VAV2: variants seen among roughly 807,000 people sequenced by gnomAD.
VAV2 encodes vav guanine nucleotide exchange factor 2, also known as guanine nucleotide exchange factor VAV2.
In VAV2, 67 loss-of-function variants were observed where a neutral mutation model predicts 132.5. That is an observed-to-expected ratio of 0.51 (90% CI 0.42 to 0.62). The LOEUF (loss-of-function observed/expected upper bound fraction) is 0.62. Among genes scored for constraint, VAV2 ranks in the 20% least tolerant of loss-of-function variants. The pLI, the probability that VAV2 is intolerant of heterozygous loss-of-function variation, is 0.00. For synonymous variants in VAV2, 492 were observed against 443.5 expected (o/e 1.11, Z -1.37); for missense variants, 938 against 1,153.6 (o/e 0.81, Z 2.71).
intron 29 of VAV2, among the ~76,000 whole-genome samples, chr9:133,767,823 G>C (rs577816202): frequency 6.6e-6 from 1 of 152,346 alleles, no homozygotes; most frequent in Non-Finnish European, 1.5e-5. Context: ...GGCACAGGGA[G>C]CTCTGGTGCT....
At chr9:133,951,125 A>AG (rs1244447427) in intron 1 of VAV2, among the ~76,000 whole-genome samples, 1 of 152,220 alleles carries the variant, frequency 6.6e-6, no homozygotes, top group African/African-American at 2.4e-5. Flanking sequence ...CTTCCCAAGC[A>AG]GGGGGGTAAA....
chr9:133,949,820 G>A (rs1418184940), intron 1 of VAV2, among the ~76,000 whole-genome samples: 1 of 152,226 alleles, frequency 6.6e-6, no homozygotes, highest in Non-Finnish European at 1.5e-5. Flanking sequence ...AGGTTGCTTT[G>A]TGGCTCAAGG....
rs971746760 is a variant in VAV2, at chr9:133,775,965, G to A, written c.2018+63C>T. The A allele has an allele frequency of 2.2e-5, 34 of 1,541,008 alleles. No homozygotes were observed. In the Admixed American group the frequency reaches 3.8e-4, roughly 17 times the overall value. ...CTCACAGGCACCACCCAGACCCGGC[G>A]GGCATGCCCCCATAACAAAGAGGCC... is the stretch of plus-strand genomic sequence containing the variant. On this transcript the variant is annotated intron_variant, in intron 24 of 29. Transcript: ENST00000371850.
chr9:133,950,703 C>T (rs637521), intron 1 of VAV2, among the ~76,000 whole-genome samples: 42,355 of 152,096 alleles, frequency 0.28, 6,248 homozygotes, highest in East Asian at 0.41. Flanking sequence ...TTAGCCCAGA[C>T]GCACGCCTGC....
chr9:133,768,384 C>A lies in VAV2; in HGVS notation c.2589+58G>T. 1 of 1,582,840 alleles carries A rather than the reference C, an allele frequency of 6.3e-7. No individual in the cohort carries two copies. The highest frequency in any genetic ancestry group is 1.3e-5 in the African/African-American group (1 of 74,664). ...GGTGTGGTGCTAGTCTGCCTGAGCC[C>A]GACCAGGTAGGGGCTGCAGCGAGGC... On this transcript the variant is annotated intron_variant, in intron 29 of 29. Transcript: ENST00000371850. The surrounding 1 kb of genome is among the most constrained non-coding windows in gnomAD (Gnocchi z 5.3).
At position 133,964,167 on chromosome 9, in the gene VAV2, G is replaced by A. The variant is rs559034951; in HGVS notation, c.205-24948C>T. ...GAGCCCAGGAGTTCAAGACCAGTCT[G>A]AGCAACATGGCAAAACCCTGTCTCT... On this transcript the variant is annotated intron_variant, in intron 1 of 29. Coordinates refer to ENST00000371850, the MANE Select transcript of VAV2 (RefSeq NM_001134398.2). Among the ~76,000 whole-genome samples, 7 of 150,168 alleles carry A rather than the reference G, an allele frequency of 4.7e-5. No homozygotes were observed. The Admixed American group carries it at 4.7e-4, about 10-fold the overall frequency.
chr9:133,972,390 G>A (rs1842365745), intron 1 of VAV2, among the ~76,000 whole-genome samples: 1 of 152,218 alleles, frequency 6.6e-6, no homozygotes. Flanking sequence ...GCAGGGCAGG[G>A]GTGGGGGAGG....
intron 2 of VAV2, among the ~76,000 whole-genome samples, chr9:133,902,408 C>T (rs1588342104): frequency 2.6e-5 from 4 of 152,200 alleles, no homozygotes; most frequent in Admixed American, 1.3e-4. Context: ...CCCAGATTTG[C>T]GGAGCCTGAA....
chr9:133,880,130 G>A (rs951463280), intron 2 of VAV2, among the ~76,000 whole-genome samples: 7 of 150,818 alleles, frequency 4.6e-5, no homozygotes, highest in Non-Finnish European at 8.9e-5. Context: ...CACCTGCGCC[G>A]TCTGCAGGAA....
At chr9:133,946,386 A>G (rs569961790) in intron 1 of VAV2, among the ~76,000 whole-genome samples, 1 of 152,300 alleles carries the variant, frequency 6.6e-6, no homozygotes, top group East Asian at 1.9e-4. Flanking sequence ...ACAGCCCTGA[A>G]AGCAACAGGG....
intron 2 of VAV2, among the ~76,000 whole-genome samples, chr9:133,914,185 G>A (rs149618588): frequency 1.7e-3 from 258 of 152,260 alleles, no homozygotes; most frequent in African/African-American, 5.8e-3. Context: ...GTCTCACAGC[G>A]GGCTAAGCAC....
chr9:133,788,222 G>GGCCCC lies in VAV2; in HGVS notation c.1407+131_1407+132insGGGGC. The GGCCCC allele has an allele frequency of 1.6e-6, 1 of 618,164 alleles. No homozygotes were observed. The highest frequency in any genetic ancestry group is 2.8e-6 in the Non-Finnish European group (1 of 351,098). The allele number at this position is 618,164 out of a possible 1,614,324, so 38.3% of individuals were successfully genotyped here. On this transcript the variant is annotated intron_variant, in intron 15 of 29. Coordinates refer to ENST00000371850, the MANE Select transcript of VAV2 (RefSeq NM_001134398.2). The surrounding 1 kb of genome is among the most constrained non-coding windows in gnomAD (Gnocchi z 5.3). ...AGGAGCCTTCCTGCAGAGCGGAGAC[G>GGCCCC]CCCACCCCAACCCACCCGGCCAGCA...
rs141641770 is a variant in VAV2 at position 133,851,800 on chromosome 9, AATGG to A, written c.380+9570_380+9573del. Among the ~76,000 whole-genome samples, 796 of 138,136 alleles carry A rather than the reference AATGG, an allele frequency of 5.8e-3. 4 individuals are homozygous for A. The highest frequency in any genetic ancestry group is 0.024 in the South Asian group (104 of 4,420). 90.6% of individuals were successfully genotyped at this position (138,136 alleles called of 152,430 possible). A position where few individuals can be genotyped will look rare whatever the true frequency, so the allele number is the denominator to read the frequency against. The stretch of plus-strand genomic sequence containing the variant: ...GGGTAAATAAATGGATGGGTGAATA[AATGG>A]ATGGATGGATGGATGGATGGATGGA... On this transcript the variant is annotated intron_variant, in intron 3 of 29. Transcript: ENST00000371850.
At position 133,812,126 on chromosome 9, in the gene VAV2, C is replaced by T; in HGVS notation, c.540G>A (p.Val180=). 1 of 1,613,944 alleles carries T rather than the reference C, an allele frequency of 6.2e-7. No homozygotes were observed. The highest frequency in any genetic ancestry group is 8.5e-7 in the Non-Finnish European group (1 of 1,179,988). ...GGGCAGGGCTCACCATGGGCTGCTG[C>T]ACCTCCACCTTGATGATGTCCTCGT... The part of the protein sequence containing the change: ...DIYEDIIKVE[V]QQPMIRYMQK... Residue 180 remains valine (V), a synonymous_variant, in exon 5 of 30, where the codon GTG becomes GTA. Transcript: ENST00000371850.
At chr9:133,940,021 G>T (rs568896047) in intron 1 of VAV2, among the ~76,000 whole-genome samples, 1 of 152,248 alleles carries the variant, frequency 6.6e-6, no homozygotes, top group Non-Finnish European at 1.5e-5. Flanking sequence ...TCCTCGTGGA[G>T]AAACAGCTTG....
intron 1 of VAV2, among the ~76,000 whole-genome samples, chr9:133,951,383 G>C (rs1189017418): frequency 6.6e-6 from 1 of 152,148 alleles, no homozygotes; most frequent in Non-Finnish European, 1.5e-5. Flanking sequence ...CCTGAAAAGT[G>C]TCCCTCATGC....
At position 133,978,185 on chromosome 9, in the gene VAV2, G is replaced by A. The variant is rs610173; in HGVS notation, c.204+13890C>T. ...GGGAAACTGCCCTCCCTGGCCCGCC[G>A]GCCAGAGGATGCTGGTCCCAGGGTC... On this transcript the variant is annotated intron_variant, in intron 1 of 29. Transcript: ENST00000371850. Among the ~76,000 whole-genome samples, 4 of 152,190 alleles carry A rather than the reference G, an allele frequency of 2.6e-5. No homozygotes were observed. In the East Asian group the frequency reaches 5.8e-4, roughly 22 times the overall value.
At chr9:133,772,483 G>C (rs1833664585) in intron 25 of VAV2, among the ~76,000 whole-genome samples, 1 of 152,178 alleles carries the variant, frequency 6.6e-6, no homozygotes, top group East Asian at 1.9e-4. Context: ...CCGAGCGCAA[G>C]CCTGTCTGGG....
chr9:133,796,587 T>A, intron 10 of VAV2, 63 bp from the exon 11 acceptor site: 1 of 1,462,108 alleles, frequency 6.8e-7, no homozygotes. Context: ...CACCCACCTG[T>A]ACCCCCGCCC....
Sources: gnomAD v4.1 joint callset for allele counts (sites outside exome capture counted in the v4.1 genomes callset) on GRCh38, gnomAD v4.1.1 for gene constraint, Gnocchi (gnomAD v3.1) non-coding constraint, MANE v1.5 for transcripts, NCBI Gene and HGNC (gene_info 2026-07-23, HGNC 2026-07-21) for gene names.